The following GSK3B variants were observed in gnomAD, a reference collection of about 807,000 sequenced individuals.
GSK3B encodes the protein glycogen synthase kinase 3 beta.
A neutral mutation model predicts 56.4 loss-of-function variants in GSK3B; 15 were observed. The observed-to-expected ratio is 0.27, with a 90% CI of 0.18 to 0.41. GSK3B has a LOEUF of 0.41. GSK3B is among the 10% of genes least tolerant of loss of function. GSK3B has a pLI of 1.00. For synonymous variants in GSK3B, 181 were observed against 188.9 expected (o/e 0.96, Z 0.34); for missense variants, 300 against 513.4 (o/e 0.58, Z 4.02).
chr3:119,837,321 A>ATT (rs58821918), intron 10 of GSK3B, among the ~76,000 whole-genome samples: 27 of 130,254 alleles, frequency 2.1e-4, no homozygotes, highest in South Asian at 4.9e-4. Context: ...CGCCCGGCTA[A>ATT]TTTTTTTTTT....
At chr3:119,863,317 G>A (rs1182307721) in intron 9 of GSK3B, 102 bp downstream of exon 9, 1 of 890,548 alleles carries the variant, frequency 1.1e-6, no homozygotes, top group Non-Finnish European at 1.8e-6. Flanking sequence ...TACTTAATAT[G>A]TCCGTTTTTG....
At chr3:119,870,844 T>A (rs1411852602) in intron 8 of GSK3B, among the ~76,000 whole-genome samples, 1 of 152,132 alleles carries the variant, frequency 6.6e-6, no homozygotes, top group Non-Finnish European at 1.5e-5. Flanking sequence ...AACAGACAAG[T>A]GGCAAGCTTA....
intron 1 of GSK3B, among the ~76,000 whole-genome samples, chr3:120,078,411 C>T (rs923305554): frequency 6.6e-6 from 1 of 152,096 alleles, no homozygotes; most frequent in African/African-American, 2.4e-5. Context: ...TTTCTAACGA[C>T]CCAGGAATTG....
intron 1 of GSK3B, among the ~76,000 whole-genome samples, chr3:120,013,127 G>T (rs2057793751): frequency 6.6e-6 from 1 of 152,134 alleles, no homozygotes; most frequent in Non-Finnish European, 1.5e-5. Context: ...GTCTTCTCAA[G>T]TCACTCCTCA....
intron 3 of GSK3B, among the ~76,000 whole-genome samples, chr3:119,927,610 T>C (rs1207493751): frequency 5.3e-5 from 8 of 152,188 alleles, no homozygotes; most frequent in African/African-American, 1.7e-4. Context: ...TTTTACTTAA[T>C]GAATCTCAGA....
chr3:119,875,405 T>A (rs1290064961), intron 8 of GSK3B, among the ~76,000 whole-genome samples: 1 of 152,020 alleles, frequency 6.6e-6, no homozygotes, highest in East Asian at 1.9e-4. Context: ...ATGAATTTAA[T>A]TGTATATAAA....
intron 3 of GSK3B, among the ~76,000 whole-genome samples, chr3:119,941,479 G>A (rs1052034526): frequency 1.3e-5 from 2 of 152,114 alleles, no homozygotes; most frequent in East Asian, 1.9e-4. Context: ...TGGAGCTGAC[G>A]CCCAACATTG....
chr3:120,084,571 GC>G (rs750904173), intron 1 of GSK3B: 16 of 152,132 alleles, frequency 1.1e-4, no homozygotes, highest in Non-Finnish European at 2.2e-4. Context: ...GAAACCGTAC[GC>G]TCTTAAAGAA....
chr3:119,865,823 A>G (rs1459644491), intron 8 of GSK3B, among the ~76,000 whole-genome samples: 3 of 151,966 alleles, frequency 2.0e-5, no homozygotes, highest in African/African-American at 4.8e-5. Context: ...ACTGCCTACA[A>G]GTGATCATCC....
In GSK3B at chr3:119,832,617, C is replaced by G. The variant is rs1289699206; in HGVS notation, c.1196-5762G>C. Among the ~76,000 whole-genome samples, 3 of 152,078 alleles carry G rather than the reference C, an allele frequency of 2.0e-5. No individual in the cohort carries two copies. The East Asian group carries it at 5.8e-4, about 29-fold the overall frequency. On this transcript the variant is annotated intron_variant, in intron 10 of 10. Coordinates refer to ENST00000264235, the MANE Select transcript of GSK3B (RefSeq NM_001146156.2). ...TGTGCTTCTAAGAAACTGTACAAGA[C>G]AAAAAAGGATTATATTAGATTTAAT...
At chr3:119,925,014 C>T (rs557830902) in intron 3 of GSK3B, among the ~76,000 whole-genome samples, 8 of 152,288 alleles carry the variant, frequency 5.3e-5, no homozygotes, top group African/African-American at 1.7e-4. Context: ...TGACTGGTGT[C>T]ATGTTCAAGT....
At chr3:120,002,339 A>ATT in intron 1 of GSK3B, 100 bp from the exon 2 acceptor site, 2 of 567,628 alleles carry the variant, frequency 3.5e-6, no homozygotes, top group Non-Finnish European at 2.8e-6. Context: ...TTTATTTTTT[A>ATT]TTTTATTTTT....
rs1349602755 is a variant in GSK3B, at chr3:120,094,146, C to G, written c.-712G>C. On this transcript the variant is annotated 5_prime_UTR_variant, in exon 1 of 11. Transcript: ENST00000264235. Reference sequence around the variant, plus strand: ...GTGGCGGAGGCAGCTCCCTTCAGACCCCAGGCAGCGGCTCCTCGACTGTTC... The same window carrying G: ...GTGGCGGAGGCAGCTCCCTTCAGACGCCAGGCAGCGGCTCCTCGACTGTTC... 1 of 230,628 alleles carries G rather than the reference C, an allele frequency of 4.3e-6. No individual in the cohort carries two copies. The highest frequency in any genetic ancestry group is 8.7e-6 in the Non-Finnish European group (1 of 115,474). 14.3% of individuals were successfully genotyped at this position (230,628 alleles called of 1,614,324 possible).
chr3:120,017,855 A>G (rs187536914), intron 1 of GSK3B, among the ~76,000 whole-genome samples: 146 of 152,340 alleles, frequency 9.6e-4, no homozygotes, highest in African/African-American at 3.3e-3. Context: ...TAAGTGACAA[A>G]TTTCTACAGG....
intron 2 of GSK3B, among the ~76,000 whole-genome samples, chr3:119,948,560 A>G (rs1481146768): frequency 1.3e-5 from 2 of 152,254 alleles, no homozygotes; most frequent in East Asian, 3.8e-4. Flanking sequence ...CAGTACAATT[A>G]CTTTAACAAA....
chr3:119,853,602 A>G (rs962893522), intron 9 of GSK3B, among the ~76,000 whole-genome samples: 1 of 152,126 alleles, frequency 6.6e-6, no homozygotes, highest in African/African-American at 2.4e-5. Context: ...TTCGTTGAGC[A>G]GTGGTTTGTA....
chr3:119,852,505 G>C (rs57461967), intron 9 of GSK3B, among the ~76,000 whole-genome samples: 1,839 of 151,950 alleles, frequency 0.012, 33 homozygotes, highest in African/African-American at 0.042. Flanking sequence ...CCACCACCAC[G>C]CCTGGCTAAT....
At chr3:119,866,286 C>T (rs1577325539) in intron 8 of GSK3B, among the ~76,000 whole-genome samples, 1 of 152,046 alleles carries the variant, frequency 6.6e-6, no homozygotes, top group Non-Finnish European at 1.5e-5. Flanking sequence ...TTGCTTAACA[C>T]TCAGACCTTT....
At chr3:119,879,480 C>T (rs1164137405) in intron 7 of GSK3B, among the ~76,000 whole-genome samples, 1 of 152,088 alleles carries the variant, frequency 6.6e-6, no homozygotes, top group Non-Finnish European at 1.5e-5. Flanking sequence ...TGCGCACAGC[C>T]TATCTTTTGT....
Sources: allele counts gnomAD v4.1 joint callset (sites outside exome capture counted in the v4.1 genomes callset), GRCh38; gene constraint gnomAD v4.1.1; transcripts MANE v1.5; gene names NCBI Gene and HGNC (gene_info 2026-07-23, HGNC 2026-07-21).